The following COL12A1 variants were observed in gnomAD, a reference collection of about 807,000 sequenced individuals.
The protein encoded by COL12A1 is collagen type XII alpha 1 chain.
Under a neutral mutation model 349.7 loss-of-function variants are expected in COL12A1, and 114 were observed. That is an observed-to-expected ratio of 0.33 (90% CI 0.28 to 0.38). The LOEUF (loss-of-function observed/expected upper bound fraction) is 0.38. COL12A1 is among the 10% of genes least tolerant of loss of function. The pLI is 1.00. For missense variants in COL12A1, 3,284 were observed against 3,756.9 expected (o/e 0.87, Z 3.29); for synonymous variants, 1,369 against 1,329.0 (o/e 1.03, Z -0.66).
At chr6:75,170,671 G>A (rs970720425) in intron 13 of COL12A1, among the ~76,000 whole-genome samples, 14 of 152,168 alleles carry the variant, frequency 9.2e-5, no homozygotes, top group African/African-American at 3.4e-4. Context: ...ATTATTGTTT[G>A]GTGACTGTGC....
intron 56 of COL12A1, among the ~76,000 whole-genome samples, 158 bp from the exon 57 acceptor site, chr6:75,102,210 C>A (rs1582050086): frequency 6.6e-6 from 1 of 152,122 alleles, no homozygotes; most frequent in Non-Finnish European, 1.5e-5. Context: ...GATGAATAAA[C>A]CTTTTTTGAA....
chr6:75,151,244 A>C lies in COL12A1; in HGVS notation c.4044T>G (p.Thr1348=). 1 of 1,613,422 alleles carries C rather than the reference A, an allele frequency of 6.2e-7. No individual in the cohort carries two copies. The highest frequency in any genetic ancestry group is 1.3e-5 in the African/African-American group (1 of 75,002). The change falls in exon 21 of 66, where the codon ACT becomes ACG. Residue 1348 remains threonine (T), a synonymous_variant. Transcript: ENST00000322507. Reference sequence around the variant, plus strand: ...TGTATGCATGGGTATCATCAGGATCAGTTGCAATCATCTTTAATTCGACTT... The same window carrying C: ...TGTATGCATGGGTATCATCAGGATCCGTTGCAATCATCTTTAATTCGACTT... The part of the protein sequence containing the change: ...ADEVELKMIA[T]DPDDTHAYNV...
At chr6:75,166,520 T>C (rs1374279762) in intron 13 of COL12A1, among the ~76,000 whole-genome samples, 1 of 152,076 alleles carries the variant, frequency 6.6e-6, no homozygotes, top group Non-Finnish European at 1.5e-5. Flanking sequence ...TGGAAAAATA[T>C]GGAAACCTCA....
rs909759926 is a variant in COL12A1 at position 75,183,995 on chromosome 6, C to A, written c.1147G>T (p.Gly383Trp). Residue 383 changes from glycine to tryptophan, a missense_variant, in exon 9 of 66, where the codon GGG becomes TGG. Transcript: ENST00000322507. ...AGSRQHALSV[G>W]PQTTTLSVRD... ...ACACTGAGCGTGGTTGTCTGAGGCC[C>A]CACACTCAGAGCGTGCTGTCGGCTT... 1 of 1,614,144 alleles carries A rather than the reference C, an allele frequency of 6.2e-7. No individual in the cohort carries two copies. Among genetic ancestry groups the A allele is most frequent in the Admixed American group, 1.7e-5 (1 of 59,996 alleles).
rs764009986 is a variant in COL12A1, at chr6:75,117,559, A to G, written c.7355-13T>C. 3.1e-6 allele frequency: 5 copies of G among 1,605,448 alleles called. No homozygotes were observed. The Admixed American group carries it at 6.7e-5, about 22-fold the overall frequency. ...AAGACACTGAACCCTGCAAAGTAGC[A>G]TTTATAGAATGAATCACGTATCTCT... On this transcript the variant is annotated splice_polypyrimidine_tract_variant and intron_variant, in intron 46 of 65. Transcript: ENST00000322507.
At chr6:75,189,436 T>C in intron 6 of COL12A1, 55 bp from the exon 7 acceptor site, 1 of 1,583,550 alleles carries the variant, frequency 6.3e-7, no homozygotes, top group South Asian at 1.2e-5. Context: ...TTTTCCAAAG[T>C]CAAAAACTAT....
At chr6:75,126,252 C>T in intron 39 of COL12A1, 99 bp downstream of exon 39, 2 of 1,383,478 alleles carry the variant, frequency 1.4e-6, no homozygotes, top group East Asian at 2.5e-5. Flanking sequence ...GTGATCTGAA[C>T]TCTCAGGAGA....
chr6:75,159,629 T>A (rs1443944807), intron 14 of COL12A1, among the ~76,000 whole-genome samples: 1 of 151,738 alleles, frequency 6.6e-6, no homozygotes, highest in African/African-American at 2.4e-5. Flanking sequence ...TAGAAGGGGT[T>A]GTGCTACAAT....
intron 26 of COL12A1, 21 bp from the exon 27 acceptor site, chr6:75,142,182 T>C (rs770900436): frequency 2.5e-6 from 4 of 1,613,754 alleles, no homozygotes; most frequent in Non-Finnish European, 2.5e-6. Flanking sequence ...AACAGAGCAG[T>C]GGAACTACTT....
At chr6:75,089,962 A>C (rs1306953201) in intron 63 of COL12A1, 148 bp downstream of exon 63, 4 of 710,806 alleles carry the variant, frequency 5.6e-6, no homozygotes, top group African/African-American at 3.5e-5. Context: ...ATGGCCTATG[A>C]GTTGCCTAAC....
At chr6:75,096,724 G>A (rs1319593658) in intron 59 of COL12A1, among the ~76,000 whole-genome samples, 2 of 151,872 alleles carry the variant, frequency 1.3e-5, no homozygotes, top group African/African-American at 4.8e-5. Context: ...GTGAAACCCC[G>A]TCTCTACTAA....
In COL12A1 at chr6:75,202,760, G is replaced by A. The variant is rs1770596486; in HGVS notation, c.33C>T (p.Ala11=). The A allele has an allele frequency of 1.3e-6, 2 of 1,551,914 alleles. No individual in the cohort carries two copies. Among genetic ancestry groups the A allele is most frequent in the South Asian group, 1.2e-5 (1 of 84,070 alleles). Residue 11 remains alanine (A), a synonymous_variant, in exon 2 of 66, where the codon GCC becomes GCT. Transcript: ENST00000322507. The stretch of plus-strand genomic sequence containing the variant: ...AAGACAGGAGCAGGGCCGCGCCCAG[G>A]GCGGCAAGCGCTGGGGGAAGCCTAC... MRSRLPPALA[A]LGAALLLSSI...
At chr6:75,128,567 A>T (rs1032960585) in intron 37 of COL12A1, 142 bp from the exon 38 acceptor site, 79 of 641,800 alleles carry the variant, frequency 1.2e-4, no homozygotes, top group Non-Finnish European at 1.7e-4. Context: ...TCGTGACAAG[A>T]CAAACTATCT....
In COL12A1 at chr6:75,133,959, G is replaced by C; in HGVS notation, c.5563C>G (p.Pro1855Ala). ...NTVRNLRVYD[P>A]STSTLNVRWD... ...CGGACATTCAAGGTGCTGGTAGAAG[G>C]GTCATACACTCTCAGGTTCCTTACA... The change falls in exon 33 of 66, where the codon CCT becomes GCT. Residue 1855 changes from proline (P) to alanine (A), a missense_variant. By Grantham distance (27) the Pro-to-Ala change is conservative. Around this residue, in one of 2 missense-constraint regions of COL12A1, gnomAD observed 2,601 missense variants for 2,824.8 expected, o/e 0.92. Transcript: ENST00000322507. The C allele has an allele frequency of 6.2e-7, 1 of 1,613,934 alleles. No homozygotes were observed. Among genetic ancestry groups the C allele is most frequent in the Non-Finnish European group, 8.5e-7 (1 of 1,179,944 alleles).
chr6:75,110,908 T>C (rs976737535), intron 51 of COL12A1, among the ~76,000 whole-genome samples: 1 of 151,908 alleles, frequency 6.6e-6, no homozygotes, highest in African/African-American at 2.4e-5. Context: ...CTGAGAGTGA[T>C]TGAAGGTGGT....
intron 10 of COL12A1, among the ~76,000 whole-genome samples, chr6:75,181,914 A>G (rs1231101989): frequency 6.7e-6 from 1 of 149,242 alleles, no homozygotes; most frequent in Non-Finnish European, 1.5e-5. Flanking sequence ...ACATGGGGAA[A>G]CCCCGTCTCT....
intron 3 of COL12A1, 143 bp from the exon 4 acceptor site, chr6:75,192,498 T>C (rs979647957): frequency 1.4e-6 from 1 of 692,292 alleles, no homozygotes; most frequent in African/African-American, 1.9e-5. Flanking sequence ...TATTTTTTAC[T>C]GCCTTCCAAA....
intron 5 of COL12A1, among the ~76,000 whole-genome samples, chr6:75,191,127 T>C (rs921757548): frequency 6.6e-6 from 1 of 151,952 alleles, no homozygotes. Context: ...ATAAAATTGC[T>C]TTCATCTGAT....
chr6:75,181,191 G>C lies in COL12A1; in HGVS notation c.1912C>G (p.Leu638Val). The change falls in exon 11 of 66, where the codon CTT (leucine) becomes GTT (valine). Residue 638 changes from leucine to valine, a missense_variant. By Grantham distance (32) the Leu-to-Val change is conservative. Coordinates refer to ENST00000322507, the MANE Select transcript of COL12A1 (RefSeq NM_004370.6). ...KKKAYVPPKD[L>V]SFSEVTSYGF... is the part of the protein sequence containing the mutation. Reference sequence around the variant, plus strand: ...TAAGAAGTCACTTCTGAAAAACTAAGATCCTTTGGAGGGACGTAAGCTATT... The same window carrying C: ...TAAGAAGTCACTTCTGAAAAACTAACATCCTTTGGAGGGACGTAAGCTATT... 1 of 1,601,172 alleles carries C rather than the reference G, an allele frequency of 6.2e-7. No individual in the cohort carries two copies. The highest frequency in any genetic ancestry group is 1.1e-5 in the South Asian group (1 of 90,216).
Sources: allele counts gnomAD v4.1 joint callset (sites outside exome capture counted in the v4.1 genomes callset), GRCh38; gene constraint gnomAD v4.1.1; regional missense constraint gnomAD v4.1.1; transcripts MANE v1.5; gene names NCBI Gene and HGNC (gene_info 2026-07-23, HGNC 2026-07-21).